Variants in HTT observed in about 807,000 individuals in gnomAD.
The protein encoded by HTT is huntington disease protein.
Under a neutral mutation model 362.3 loss-of-function variants are expected in HTT, and 104 were observed. That is an observed-to-expected ratio of 0.29 (90% CI 0.24 to 0.34). HTT has a LOEUF of 0.34. Ranked by LOEUF, HTT falls within the 10% of genes least tolerant of loss-of-function variation. The pLI is 1.00. For missense variants in HTT, 3,301 were observed against 3,928.6 expected (o/e 0.84, Z 4.27); for synonymous variants, 1,577 against 1,548.7 (o/e 1.02, Z -0.43).
intron 48 of HTT, among the ~76,000 whole-genome samples, chr4:3,212,350 A>G (rs1451450122): frequency 6.6e-6 from 1 of 152,200 alleles, no homozygotes; most frequent in East Asian, 1.9e-4. Context: ...GGTCATGGAC[A>G]TAGGGCTCTA....
At chr4:3,149,033 TA>T (rs1716749747) in intron 26 of HTT, among the ~76,000 whole-genome samples, 1 of 152,236 alleles carries the variant, frequency 6.6e-6, no homozygotes, top group Non-Finnish European at 1.5e-5. Context: ...AAGAGGGAAA[TA>T]CCTAGCTTTA....
chr4:3,109,055 T>TAAA (rs775688422), intron 6 of HTT, among the ~76,000 whole-genome samples: 7 of 125,458 alleles, frequency 5.6e-5, no homozygotes, highest in African/African-American at 2.0e-4. Flanking sequence ...TGCCATTTCT[T>TAAA]AAAAAAAAAA....
rs1373674223 is a variant in HTT, at chr4:3,174,844, C to G, written c.4245+45C>G. ...GCATGTGAACTCAGGCGTGTCAGTG[C>G]TAGAGAGGAAACTGGAGCTGAGACT... is the stretch of plus-strand genomic sequence containing the variant. On this transcript the variant is annotated intron_variant, in intron 32 of 66. Transcript: ENST00000355072. 5.0e-6 allele frequency: 8 copies of G among 1,587,308 alleles called. No homozygotes were observed. The South Asian group carries it at 8.9e-5, about 18-fold the overall frequency.
At chr4:3,212,378 G>C in intron 48 of HTT, among the ~76,000 whole-genome samples, 186 bp from the exon 49 acceptor site, 1 of 152,212 alleles carries the variant, frequency 6.6e-6, no homozygotes, top group East Asian at 1.9e-4. Context: ...GAGGAAGGCT[G>C]GGCCAGACCT....
intron 26 of HTT, among the ~76,000 whole-genome samples, chr4:3,149,589 T>C (rs534126005): frequency 1.3e-5 from 2 of 151,460 alleles, no homozygotes; most frequent in African/African-American, 4.9e-5. Flanking sequence ...ATTACGGGCA[T>C]GAGCCACCAC....
At chr4:3,236,624 A>G (rs547106010) in intron 64 of HTT, among the ~76,000 whole-genome samples, 34 of 152,116 alleles carry the variant, frequency 2.2e-4, no homozygotes, top group Non-Finnish European at 3.5e-4. Flanking sequence ...CTGGCTGCCT[A>G]TCGTGAGAGG....
chr4:3,176,521 T>C (rs533444592), intron 33 of HTT, among the ~76,000 whole-genome samples: 50 of 152,304 alleles, frequency 3.3e-4, no homozygotes, highest in East Asian at 2.5e-3. Context: ...AGCCCTGGTC[T>C]ATGGCTGTGG....
chr4:3,100,004 G>A (rs1008920964), intron 3 of HTT, among the ~76,000 whole-genome samples: 5 of 152,160 alleles, frequency 3.3e-5, no homozygotes, highest in African/African-American at 9.7e-5. Flanking sequence ...TGCATTGCTT[G>A]CCACACCTGC....
intron 61 of HTT, among the ~76,000 whole-genome samples, chr4:3,234,376 G>A (rs533007339): frequency 1.3e-5 from 2 of 152,374 alleles, no homozygotes; most frequent in South Asian, 2.1e-4. Context: ...CAGGACAGGC[G>A]GACGGCTGGC....
At chr4:3,093,860 C>G (rs1402820669) in intron 2 of HTT, among the ~76,000 whole-genome samples, 1 of 73,370 alleles carries the variant, frequency 1.4e-5, no homozygotes, top group Non-Finnish European at 2.8e-5. Context: ...CTGCCAATTC[C>G]TTTTTTTTTT....
At chr4:3,221,848 T>C (rs1299473155) in intron 53 of HTT, among the ~76,000 whole-genome samples, 1 of 152,264 alleles carries the variant, frequency 6.6e-6, no homozygotes, top group African/African-American at 2.4e-5. Context: ...TCTAGACAGG[T>C]CAGAGGAACC....
At chr4:3,207,719 G>A (rs1719934923) in intron 45 of HTT, among the ~76,000 whole-genome samples, 1 of 152,208 alleles carries the variant, frequency 6.6e-6, no homozygotes, top group African/African-American at 2.4e-5. Flanking sequence ...CTAAACAAGA[G>A]TTGGCAAATC....
chr4:3,230,128 G>A, intron 60 of HTT, 86 bp downstream of exon 60: 1 of 1,181,698 alleles, frequency 8.5e-7, no homozygotes, highest in Non-Finnish European at 1.2e-6. Flanking sequence ...AGAGGTGCCG[G>A]GTGCGGCTGC....
chr4:3,195,297 A>G (rs1447693808), intron 40 of HTT, among the ~76,000 whole-genome samples: 2 of 151,868 alleles, frequency 1.3e-5, no homozygotes, highest in African/African-American at 4.8e-5. Flanking sequence ...TTTATTTCCA[A>G]TTCCTGCTTC....
intron 22 of HTT, among the ~76,000 whole-genome samples, chr4:3,141,697 G>A (rs1716353848): frequency 1.3e-5 from 2 of 152,196 alleles, no homozygotes; most frequent in African/African-American, 4.8e-5. Context: ...CGGAGGCAGA[G>A]GTTGCAGTGA....
rs751102910 is a variant in HTT, at chr4:3,136,311, C to T, written c.2783C>T (p.Ala928Val). ...GACCCCAGGGTGCGACATGTTGCCG[C>T]AGCATCACTAATTAGGTATTTACCA... The part of the protein sequence containing the change: ...DEDPRVRHVA[A>V]ASLIRLVPKL... The change falls in exon 21 of 67, where the codon GCA becomes GTA. Residue 928 changes from alanine (A) to valine (V), a missense_variant. Coordinates refer to ENST00000355072, the MANE Select transcript of HTT (RefSeq NM_001388492.1). 6 of 1,588,374 alleles carry T rather than the reference C, an allele frequency of 3.8e-6. No individual in the cohort carries two copies. The South Asian group carries it at 6.6e-5, about 18-fold the overall frequency.
At chr4:3,153,839 G>A (rs933406925) in intron 26 of HTT, among the ~76,000 whole-genome samples, 4 of 152,072 alleles carry the variant, frequency 2.6e-5, no homozygotes, top group African/African-American at 9.7e-5. Context: ...TGGGAGGATT[G>A]CTTGAGCCCA....
chr4:3,229,421 G>C (rs111065364), intron 59 of HTT, among the ~76,000 whole-genome samples: 45,856 of 117,486 alleles, frequency 0.39, 7,340 homozygotes, highest in African/African-American at 0.44. Context: ...GCCACACACA[G>C]CACACAACCA....
chr4:3,100,335 C>T (rs1457427513), intron 3 of HTT, among the ~76,000 whole-genome samples: 26 of 152,336 alleles, frequency 1.7e-4, no homozygotes, highest in Admixed American at 1.6e-3. Flanking sequence ...TCTTACCCAG[C>T]AAGATTGATG....
Sources: allele counts gnomAD v4.1 joint callset (sites outside exome capture counted in the v4.1 genomes callset), GRCh38; gene constraint gnomAD v4.1.1; transcripts MANE v1.5; gene names NCBI Gene and HGNC (gene_info 2026-07-23, HGNC 2026-07-21).